Variants in PRKAR1B observed in about 807,000 individuals in gnomAD.
The protein encoded by PRKAR1B is cAMP-dependent protein kinase type I-beta regulatory subunit.
Under a neutral mutation model 46.5 loss-of-function variants are expected in PRKAR1B, and 22 were observed. That is an observed-to-expected ratio of 0.47 (90% confidence interval 0.34 to 0.68). The LOEUF is 0.68. Among genes scored for constraint, PRKAR1B ranks in the 30% least tolerant of loss-of-function variants. The pLI is 0.01. For synonymous variants in PRKAR1B, 259 were observed against 217.7 expected (o/e 1.19, Z -1.67); for missense variants, 445 against 535.6 (o/e 0.83, Z 1.67).
At chr7:595,246 G>A (rs531401734) in intron 7 of PRKAR1B, among the ~76,000 whole-genome samples, 1 of 152,288 alleles carries the variant, frequency 6.6e-6, no homozygotes, top group Admixed American at 6.5e-5. Flanking sequence ...GCTGCTTCCG[G>A]CACCCGGGCG....
At chr7:599,166 G>A (rs62431449) in intron 6 of PRKAR1B, among the ~76,000 whole-genome samples, 2 of 152,332 alleles carry the variant, frequency 1.3e-5, no homozygotes, top group East Asian at 1.9e-4. Flanking sequence ...CACTGTGCTC[G>A]GCCGCCCGGA....
chr7:716,731 G>T (rs1780896405), intron 1 of PRKAR1B: 1 of 152,234 alleles, frequency 6.6e-6, no homozygotes, highest in South Asian at 2.1e-4. Context: ...GGCCACTGGG[G>T]AGGCTGCAGC....
intron 6 of PRKAR1B, among the ~76,000 whole-genome samples, chr7:604,813 C>T (rs919580485): frequency 2.0e-5 from 3 of 152,028 alleles, no homozygotes; most frequent in East Asian, 1.9e-4. Flanking sequence ...GTTGCCTGCA[C>T]GGAAGAGTGC....
chr7:613,971 G>C (rs889363090), intron 4 of PRKAR1B, among the ~76,000 whole-genome samples: 2 of 152,240 alleles, frequency 1.3e-5, no homozygotes, highest in African/African-American at 4.8e-5. Context: ...GCCACCAAGC[G>C]GGTGGGAGAC....
At chr7:570,127 G>A (rs1051862286) in intron 9 of PRKAR1B, among the ~76,000 whole-genome samples, 5 of 152,232 alleles carry the variant, frequency 3.3e-5, no homozygotes, top group African/African-American at 1.2e-4. Flanking sequence ...GGCCAAGCCC[G>A]GCACCTCGGC....
At chr7:641,286 C>G (rs1007907970) in intron 4 of PRKAR1B, among the ~76,000 whole-genome samples, 5 of 152,274 alleles carry the variant, frequency 3.3e-5, no homozygotes, top group Admixed American at 3.3e-4. Flanking sequence ...GGGAAAAGAC[C>G]CAGCAATTCC....
intron 9 of PRKAR1B, among the ~76,000 whole-genome samples, chr7:576,362 T>C (rs1400084300): frequency 1.3e-5 from 2 of 152,072 alleles, no homozygotes; most frequent in African/African-American, 4.8e-5. Context: ...CCCTCCTCCT[T>C]CTCTCCTTTT....
chr7:633,635 A>G (rs1783884302), intron 4 of PRKAR1B, among the ~76,000 whole-genome samples: 1 of 152,110 alleles, frequency 6.6e-6, no homozygotes, highest in Non-Finnish European at 1.5e-5. Flanking sequence ...GTGGTGGTGC[A>G]TGCCTGTGGT....
chr7:656,320 G>A (rs941484605), intron 4 of PRKAR1B, among the ~76,000 whole-genome samples: 2 of 152,102 alleles, frequency 1.3e-5, no homozygotes, highest in African/African-American at 4.8e-5. Flanking sequence ...ATGAATGAAT[G>A]GGTGAATGAA....
intron 4 of PRKAR1B, among the ~76,000 whole-genome samples, chr7:619,502 C>T (rs924358265): frequency 6.6e-6 from 1 of 152,242 alleles, no homozygotes; most frequent in African/African-American, 2.4e-5. Flanking sequence ...GGTTAAGGAA[C>T]CTGCCCAAGG....
At chr7:717,258 C>T (rs1780914505) in intron 1 of PRKAR1B, among the ~76,000 whole-genome samples, 1 of 151,980 alleles carries the variant, frequency 6.6e-6, no homozygotes, top group African/African-American at 2.4e-5. Context: ...CACTCCGTTC[C>T]AGCCTGGGCA....
chr7:627,466 G>A (rs1034378108), intron 4 of PRKAR1B, among the ~76,000 whole-genome samples: 4 of 152,170 alleles, frequency 2.6e-5, no homozygotes, highest in East Asian at 1.9e-4. Flanking sequence ...ACTCCCCCAC[G>A]CCTGAGGGTT....
intron 2 of PRKAR1B, among the ~76,000 whole-genome samples, chr7:685,270 G>GTGTGTA (rs1554303083): frequency 8.0e-5 from 2 of 24,856 alleles, no homozygotes; most frequent in African/African-American, 3.0e-4. Context: ...ACATATATAC[G>GTGTGTA]TATATATACG....
intron 9 of PRKAR1B, chr7:578,975 C>T: frequency 2.4e-6 from 3 of 1,246,964 alleles, no homozygotes; most frequent in Non-Finnish European, 3.1e-6. Context: ...AGCCGCCGCG[C>T]CCGGCCAGTT....
At chr7:690,344 C>T (rs528351862) in intron 2 of PRKAR1B, among the ~76,000 whole-genome samples, 8 of 151,770 alleles carry the variant, frequency 5.3e-5, no homozygotes, top group South Asian at 4.2e-4. Flanking sequence ...TGAAAAGCGA[C>T]GGCTGGGTGC....
intron 4 of PRKAR1B, among the ~76,000 whole-genome samples, chr7:611,473 C>A (rs1268961197): frequency 1.3e-5 from 2 of 152,238 alleles, no homozygotes; most frequent in African/African-American, 2.4e-5. Context: ...TCCTACCTGG[C>A]CTGTGGCTCA....
intron 1 of PRKAR1B, chr7:713,303 T>C (rs1442826422): frequency 1.3e-5 from 2 of 154,388 alleles, no homozygotes; most frequent in African/African-American, 4.9e-5. Context: ...CACACTCACC[T>C]GTCTACCCCC....
chr7:665,793 G>A (rs1785881756), intron 4 of PRKAR1B, among the ~76,000 whole-genome samples: 1 of 152,236 alleles, frequency 6.6e-6, no homozygotes, highest in African/African-American at 2.4e-5. Context: ...AGCTGCCCGT[G>A]AATTCGGCAG....
chr7:578,913 C>A, intron 9 of PRKAR1B: 1 of 710,960 alleles, frequency 1.4e-6, no homozygotes, highest in African/African-American at 1.9e-5. Context: ...AACTCCTGAC[C>A]TCAGGTGATC....
Sources: gnomAD v4.1 joint callset for allele counts (sites outside exome capture counted in the v4.1 genomes callset) on GRCh38, gnomAD v4.1.1 for gene constraint, MANE v1.5 for transcripts, NCBI Gene and HGNC (gene_info 2026-07-23, HGNC 2026-07-21) for gene names.